The following RC3H1 variants were observed in gnomAD, a reference collection of about 807,000 sequenced individuals.
RC3H1 encodes roquin-1.
RC3H1 carries 50 observed loss-of-function variants against 138.2 expected under a neutral mutation model. The ratio of observed to expected loss-of-function variants is 0.36; its 90% CI spans 0.29 to 0.46. The LOEUF is 0.46. Among genes scored for constraint, RC3H1 ranks in the 20% least tolerant of loss-of-function variants. The probability of loss-of-function intolerance (pLI) is 1.00; values close to 1 mark genes in which losing one functional copy is unlikely to be tolerated. For missense variants in RC3H1, 1,031 were observed against 1,388.1 expected (o/e 0.74, Z 4.09); for synonymous variants, 462 against 489.1 (o/e 0.94, Z 0.73).
chr1:173,949,702 C>T (rs72711430), intron 14 of RC3H1, among the ~76,000 whole-genome samples: 212 of 152,272 alleles, frequency 1.4e-3, no homozygotes, highest in Non-Finnish European at 2.5e-3. Flanking sequence ...CTTTCACACA[C>T]GTGAAGACAT....
chr1:173,982,941 A>G, intron 4 of RC3H1, 39 bp from the exon 5 acceptor site: 2 of 1,535,196 alleles, frequency 1.3e-6, no homozygotes, highest in Non-Finnish European at 1.8e-6. Context: ...TATCAAGTAC[A>G]TAGATAAGAT....
intron 13 of RC3H1, among the ~76,000 whole-genome samples, chr1:173,957,535 T>C (rs1659698755): frequency 6.6e-6 from 1 of 151,984 alleles, no homozygotes; most frequent in Non-Finnish European, 1.5e-5. Context: ...TTTGAAAAAA[T>C]ATCACACCTG....
At chr1:173,966,261 A>G (rs1445156862) in intron 9 of RC3H1, among the ~76,000 whole-genome samples, 2 of 152,238 alleles carry the variant, frequency 1.3e-5, no homozygotes, top group African/African-American at 4.8e-5. Flanking sequence ...GAACCAATAC[A>G]GAATAATTGC....
chr1:173,942,300 G>A lies in RC3H1; in HGVS notation c.3136-920C>T, dbSNP rs557572930. The stretch of plus-strand genomic sequence containing the variant: ...AAACAAAAACTACCCTGGTGTGGTG[G>A]CAGGCACCTGTAATCCCAGCTACTC... On this transcript the variant is annotated intron_variant, in intron 18 of 19. Transcript: ENST00000367696. Among the ~76,000 whole-genome samples the A allele has an allele frequency of 2.0e-5, 3 of 150,602 alleles. No individual in the cohort carries two copies. In the East Asian group the frequency reaches 5.8e-4, roughly 29 times the overall value.
Position 173,938,834 on chromosome 1 carries a change from T to G in RC3H1, c.3289A>C (p.Ile1097Leu), listed in dbSNP as rs534266806. 1.6e-5 allele frequency: 26 copies of G among 1,613,672 alleles called. No individual in the cohort carries two copies. In the East Asian group the frequency reaches 3.8e-4, roughly 24 times the overall value. ...PNGSALTQEN[I>L]SLLSNKTSSL... ...CTGGTCTTGTTTGATAGGAGGCTGA[T>G]ATTCTCTTGTGTCAAGGCTGATCCA... The change falls in exon 20 of 20, where the codon ATC becomes CTC. Residue 1097 changes from isoleucine to leucine, a missense_variant. Ile to Leu is a conservative substitution (Grantham distance 5). Around this residue, in one of 7 missense-constraint regions of RC3H1, gnomAD observed 716 missense variants for 837.9 expected, o/e 0.85. Coordinates refer to ENST00000367696, the MANE Select transcript of RC3H1 (RefSeq NM_172071.4).
chr1:173,941,021 C>T (rs1312479711), intron 19 of RC3H1, among the ~76,000 whole-genome samples: 1 of 152,082 alleles, frequency 6.6e-6, no homozygotes, highest in Non-Finnish European at 1.5e-5. Context: ...GGGGTTTCAC[C>T]ATGCTGGCCA....
Position 173,992,904 on chromosome 1 carries a change from G to C in RC3H1, c.82C>G (p.Pro28Ala), listed in dbSNP as rs762212012. The change falls in exon 2 of 20, where the codon CCC becomes GCC. Residue 28 changes from proline to alanine, a missense_variant. Physicochemically the swap from Pro to Ala is conservative, Grantham distance 27. Transcript: ENST00000367696. ...TQTFDETIRKPISLGCGHTVC... is the reference protein window; with the variant it reads ...TQTFDETIRKAISLGCGHTVC... ...GTATGGCCACAACCCAAACTGATGG[G>C]CTTTCGAATTGTTTCGTCGAAAGTC... The C allele has an allele frequency of 6.2e-7, 1 of 1,614,084 alleles. No individual in the cohort carries two copies. The highest frequency in any genetic ancestry group is 8.5e-7 in the Non-Finnish European group (1 of 1,180,014).
chr1:173,953,706 CAT>C (rs1195769160), intron 13 of RC3H1, among the ~76,000 whole-genome samples: 1 of 152,120 alleles, frequency 6.6e-6, no homozygotes, highest in African/African-American at 2.4e-5. Context: ...GCAAGACAGA[CAT>C]AAAACCAAGA....
chr1:173,947,556 G>A lies in RC3H1; in HGVS notation c.2550C>T (p.Asp850=). Residue 850 remains aspartate, a synonymous_variant, in exon 15 of 20, where the codon GAC becomes GAT. Coordinates refer to ENST00000367696, the MANE Select transcript of RC3H1 (RefSeq NM_172071.4). ...MMNVESKGMR[D]QRLDLQRRAA... is the part of the protein sequence containing the mutation. ...CTCTTCTCTGAAGATCTAATCGCTG[G>A]TCCCTCATTCCTTTACTCTCCACAT... 6.2e-7 allele frequency: 1 copy of A among 1,613,834 alleles called. No homozygotes were observed. The highest frequency in any genetic ancestry group is 8.5e-7 in the Non-Finnish European group (1 of 1,179,966).
chr1:174,006,604 TA>T (rs1198635868), intron 1 of RC3H1, among the ~76,000 whole-genome samples: 1 of 152,220 alleles, frequency 6.6e-6, no homozygotes, highest in Non-Finnish European at 1.5e-5. Flanking sequence ...TACTTTTTAA[TA>T]ATCATTAGTC....
At chr1:173,941,062 T>C (rs1658835451) in intron 19 of RC3H1, among the ~76,000 whole-genome samples, 1 of 152,172 alleles carries the variant, frequency 6.6e-6, no homozygotes, top group South Asian at 2.1e-4. Context: ...CCTCGTGATC[T>C]GCCCACCTCG....
chr1:174,012,603 G>GA (rs1444261656), intron 1 of RC3H1, among the ~76,000 whole-genome samples: 1 of 151,902 alleles, frequency 6.6e-6, no homozygotes, highest in Non-Finnish European at 1.5e-5. Context: ...CTAACATGAT[G>GA]AAACACTGTC....
rs565602569 is a variant in RC3H1 at position 174,010,993 on chromosome 1, C to G, written c.-151+11103G>C. ...TGGGGGAATAGGTGCTACCACTTCA[C>G]TATTTATGGATGCCTTTGTAAGAAT... On this transcript the variant is annotated intron_variant, in intron 1 of 19. Transcript: ENST00000367696. Among the ~76,000 whole-genome samples the G allele has an allele frequency of 3.9e-4, 59 of 152,286 alleles. 1 individual carries two copies. The highest frequency in any genetic ancestry group is 1.3e-3 in the African/African-American group (56 of 41,546).
At chr1:173,986,486 C>T (rs1661037347) in intron 2 of RC3H1, among the ~76,000 whole-genome samples, 1 of 152,118 alleles carries the variant, frequency 6.6e-6, no homozygotes, top group African/African-American at 2.4e-5. Flanking sequence ...CACTACATTG[C>T]CCAGACTGGC....
intron 1 of RC3H1, among the ~76,000 whole-genome samples, chr1:173,994,492 T>C (rs1434953907): frequency 6.6e-6 from 1 of 152,180 alleles, no homozygotes; most frequent in Non-Finnish European, 1.5e-5. Flanking sequence ...TACCACAATC[T>C]TGACAGACTC....
At position 173,948,049 on chromosome 1, in the gene RC3H1, A is replaced by C. The variant is rs559758693; in HGVS notation, c.2524-467T>G. Among the ~76,000 whole-genome samples, 54 of 152,160 alleles carry C rather than the reference A, an allele frequency of 3.5e-4. 1 individual carries two copies. Among genetic ancestry groups the C allele is most frequent in the South Asian group, 8.3e-4 (4 of 4,820 alleles). On this transcript the variant is annotated intron_variant, in intron 14 of 19. Transcript: ENST00000367696. ...TAAGCCACTGCACCTGGCCTAAGAA[A>C]TATATTTTTAAAATTTATGGGAGGC...
At chr1:173,953,332 G>C (rs1311742083) in intron 13 of RC3H1, among the ~76,000 whole-genome samples, 1 of 152,062 alleles carries the variant, frequency 6.6e-6, no homozygotes, top group Admixed American at 6.5e-5. Context: ...AAGTGCAGTG[G>C]CATGATCTCT....
chr1:173,944,438 G>C (rs1659046701), intron 17 of RC3H1, among the ~76,000 whole-genome samples: 1 of 152,160 alleles, frequency 6.6e-6, no homozygotes, highest in Admixed American at 6.5e-5. Flanking sequence ...GGAAAGCGGA[G>C]GGATAGCATT....
At position 173,943,629 on chromosome 1, in the gene RC3H1, C is replaced by T. The variant is rs1311437969; in HGVS notation, c.2962-14G>A. On this transcript the variant is annotated splice_polypyrimidine_tract_variant and intron_variant, in intron 17 of 19. Coordinates refer to ENST00000367696, the MANE Select transcript of RC3H1 (RefSeq NM_172071.4). ...GTTACTAACAGCCTAGTGCATAAAG[C>T]CAAGCACACAGAAAACTCAACACAC... 4 of 1,603,056 alleles carry T rather than the reference C, an allele frequency of 2.5e-6. No individual in the cohort carries two copies. Among genetic ancestry groups the T allele is most frequent in the Non-Finnish European group, 3.4e-6 (4 of 1,174,606 alleles).
Sources: allele counts gnomAD v4.1 joint callset (sites outside exome capture counted in the v4.1 genomes callset), GRCh38; gene constraint gnomAD v4.1.1; regional missense constraint gnomAD v4.1.1; transcripts MANE v1.5; gene names NCBI Gene and HGNC (gene_info 2026-07-23, HGNC 2026-07-21).